Variants in SGCZ observed in about 807,000 individuals in gnomAD.
SGCZ encodes sarcoglycan zeta, also known as zeta-sarcoglycan.
A neutral mutation model predicts 41.3 loss-of-function variants in SGCZ; 40 were observed. The ratio of observed to expected loss-of-function variants is 0.97; its 90% CI spans 0.75 to 1.26. The LOEUF (loss-of-function observed/expected upper bound fraction) is 1.26. Ranked by LOEUF, SGCZ falls within the 50% of genes most tolerant of loss-of-function variation. SGCZ has a pLI of 0.00. For missense variants in SGCZ, 552 were observed against 369.8 expected (o/e 1.49, Z -4.04); for synonymous variants, 206 against 137.5 (o/e 1.50, Z -3.49).
chr8:14,344,486 A>G (rs2117087514), intron 2 of SGCZ, among the ~76,000 whole-genome samples: 1 of 152,234 alleles, frequency 6.6e-6, no homozygotes, highest in East Asian at 1.9e-4. Flanking sequence ...AAAAATTATA[A>G]GAAACAGAGC....
chr8:14,665,987 T>G (rs1312820475), intron 1 of SGCZ, among the ~76,000 whole-genome samples: 1 of 152,202 alleles, frequency 6.6e-6, no homozygotes, highest in Non-Finnish European at 1.5e-5. Flanking sequence ...TCATCCCACA[T>G]CCTGGGCAGC....
At chr8:15,107,092 C>T (rs1806858069) in intron 1 of SGCZ, among the ~76,000 whole-genome samples, 1 of 152,106 alleles carries the variant, frequency 6.6e-6, no homozygotes, top group Non-Finnish European at 1.5e-5. Flanking sequence ...TTTGTTAATG[C>T]ACCATTCTTT....
chr8:14,181,117 C>G (rs1804710832), intron 4 of SGCZ, among the ~76,000 whole-genome samples: 2 of 152,098 alleles, frequency 1.3e-5, no homozygotes, highest in Non-Finnish European at 2.9e-5. Context: ...AGTAGTCTCC[C>G]TAATAGGGCC....
intron 2 of SGCZ, among the ~76,000 whole-genome samples, chr8:14,370,504 C>G (rs115166358): frequency 0.015 from 2,221 of 151,918 alleles, 68 homozygotes; most frequent in African/African-American, 0.05. Flanking sequence ...GTGTTGTAAT[C>G]CAATCACAGT....
At chr8:14,139,748 C>T (rs1222444723) in intron 5 of SGCZ, among the ~76,000 whole-genome samples, 1 of 152,154 alleles carries the variant, frequency 6.6e-6, no homozygotes, top group Non-Finnish European at 1.5e-5. Context: ...CCAAACACTA[C>T]CAGAGGTACA....
At chr8:14,229,235 C>T (rs183709996) in intron 4 of SGCZ, among the ~76,000 whole-genome samples, 11 of 152,198 alleles carry the variant, frequency 7.2e-5, no homozygotes, top group Admixed American at 7.2e-4. Flanking sequence ...CAATGAGCAT[C>T]TCTGAGGCAT....
intron 1 of SGCZ, among the ~76,000 whole-genome samples, chr8:14,871,799 T>A (rs2130703896): frequency 6.6e-6 from 1 of 151,142 alleles, no homozygotes; most frequent in African/African-American, 2.4e-5. Flanking sequence ...TGAGACTCTG[T>A]CTCAAAAATG....
intron 2 of SGCZ, among the ~76,000 whole-genome samples, chr8:14,521,353 G>A (rs1362320770): frequency 6.6e-6 from 1 of 152,020 alleles, no homozygotes; most frequent in Non-Finnish European, 1.5e-5. Flanking sequence ...TAATTTTCCA[G>A]AGATTCCTCC....
At chr8:14,571,939 A>G (rs528277364) in intron 1 of SGCZ, among the ~76,000 whole-genome samples, 80 of 152,326 alleles carry the variant, frequency 5.3e-4, no homozygotes, top group Non-Finnish European at 8.4e-4. Flanking sequence ...ACATTACTAT[A>G]GAAAAGGTAG....
chr8:14,762,486 A>C (rs1174550225), intron 1 of SGCZ, among the ~76,000 whole-genome samples: 3 of 152,228 alleles, frequency 2.0e-5, no homozygotes, highest in Non-Finnish European at 4.4e-5. Flanking sequence ...ATTTATGTGA[A>C]GTAATTAGCA....
intron 1 of SGCZ, among the ~76,000 whole-genome samples, chr8:14,999,109 G>A (rs1378833154): frequency 1.3e-5 from 2 of 152,148 alleles, no homozygotes; most frequent in African/African-American, 4.8e-5. Context: ...GATTCTGACT[G>A]ATTATTTCCT....
intron 2 of SGCZ, among the ~76,000 whole-genome samples, chr8:14,364,691 A>G (rs571393300): frequency 1.7e-4 from 26 of 152,250 alleles, no homozygotes; most frequent in South Asian, 8.3e-4. Flanking sequence ...ATTTGCATCT[A>G]AAAGTATTAG....
Position 14,090,515 on chromosome 8 carries a change from G to A in SGCZ, c.867C>T (p.Gly289=), listed in dbSNP as rs1801655042. The change falls in exon 8 of 8, where the codon GGC becomes GGT. Residue 289 remains glycine, a synonymous_variant. Transcript: ENST00000382080. ...TVYELCVCPN[G]KLYLSPAGVG... ...CTCCTGCTGGAGAAAGGTAAAGTTT[G>A]CCATTGGGGCAGACGCAGAGTTCAT... 1.2e-6 allele frequency: 2 copies of A among 1,612,948 alleles called. No individual in the cohort carries two copies. The highest frequency in any genetic ancestry group is 1.3e-5 in the African/African-American group (1 of 74,838).
At chr8:14,665,713 ACAAC>A (rs1354282409) in intron 1 of SGCZ, among the ~76,000 whole-genome samples, 1 of 152,150 alleles carries the variant, frequency 6.6e-6, no homozygotes, top group Non-Finnish European at 1.5e-5. Context: ...AGAATTTAAT[ACAAC>A]CAACCAAGAA....
At position 14,137,013 on chromosome 8, in the gene SGCZ, G is replaced by A. The variant is rs990684211; in HGVS notation, c.547+27567C>T. Among the ~76,000 whole-genome samples the A allele has an allele frequency of 6.6e-5, 10 of 152,138 alleles. No individual in the cohort carries two copies. In the South Asian group the frequency reaches 8.3e-4, roughly 13 times the overall value. On this transcript the variant is annotated intron_variant, in intron 5 of 7. Transcript: ENST00000382080. ...TATTTGCTGTTCTGCAGCCTCTACT[G>A]GTGATACCAAGGCAAACAGGGACTG... is the stretch of plus-strand genomic sequence containing the variant.
Position 14,590,880 on chromosome 8 carries a change from CTA to C in SGCZ, c.40-35956_40-35955del, listed in dbSNP as rs932666687. 1.1e-3 allele frequency among the ~76,000 whole-genome samples: 163 copies of C among 148,420 alleles called. 2 individuals carry two copies. The highest frequency in any genetic ancestry group is 3.9e-3 in the African/African-American group (161 of 40,810). On this transcript the variant is annotated intron_variant, in intron 1 of 7. Transcript: ENST00000382080. ...TGTCATATATTATAAAGTACTTATA[CTA>C]TATATGTCATATATTATAAAGTACA...
At chr8:15,115,330 A>G (rs116766409) in intron 1 of SGCZ, among the ~76,000 whole-genome samples, 2,648 of 152,282 alleles carry the variant, frequency 0.017, 59 homozygotes, top group African/African-American at 0.053. Context: ...TGCTAGAAGT[A>G]GTAATGAAAC....
chr8:15,136,390 C>T (rs553043209), intron 1 of SGCZ, among the ~76,000 whole-genome samples: 2 of 151,982 alleles, frequency 1.3e-5, no homozygotes, highest in South Asian at 2.1e-4. Context: ...CTCCAGCATA[C>T]TTGATAAGAG....
intron 1 of SGCZ, among the ~76,000 whole-genome samples, chr8:14,568,646 G>C (rs993854381): frequency 1.3e-5 from 2 of 152,162 alleles, no homozygotes; most frequent in East Asian, 1.9e-4. Flanking sequence ...AATGACAAAA[G>C]ATATGAAAAA....
Sources: allele counts gnomAD v4.1 joint callset (sites outside exome capture counted in the v4.1 genomes callset), GRCh38; gene constraint gnomAD v4.1.1; transcripts MANE v1.5; gene names NCBI Gene and HGNC (gene_info 2026-07-23, HGNC 2026-07-21).